Variants in EML4 observed in about 807,000 individuals in gnomAD.
The protein encoded by EML4 is EMAP like 4, also known as echinoderm microtubule-associated protein-like 4.
In EML4, 72 loss-of-function variants were observed where a neutral mutation model predicts 129.0. The ratio of observed to expected loss-of-function variants is 0.56; its 90% CI spans 0.46 to 0.68. EML4 has a LOEUF of 0.68. Ranked by LOEUF, EML4 falls within the 30% of genes least tolerant of loss-of-function variation. EML4 has a pLI of 0.00. For synonymous variants in EML4, 532 were observed against 405.0 expected (o/e 1.31, Z -3.77); for missense variants, 1,363 against 1,190.6 (o/e 1.14, Z -2.13).
At chr2:42,178,941 T>G (rs1053161019) in intron 1 of EML4, among the ~76,000 whole-genome samples, 4 of 152,216 alleles carry the variant, frequency 2.6e-5, no homozygotes, top group South Asian at 2.1e-4. Flanking sequence ...ACAGGAATCA[T>G]CAATAGGTGC....
intron 1 of EML4, among the ~76,000 whole-genome samples, chr2:42,203,609 A>G (rs959960613): frequency 7.3e-5 from 11 of 150,526 alleles, no homozygotes; most frequent in African/African-American, 2.2e-4. Context: ...AGCCGTTTAT[A>G]TACTTATTTT....
chr2:42,288,361 C>A, intron 11 of EML4, 39 bp downstream of exon 11: 1 of 1,027,678 alleles, frequency 9.7e-7, no homozygotes, highest in Non-Finnish European at 1.5e-6. Flanking sequence ...TTTTAGAGTA[C>A]GTTACTTGTT....
At chr2:42,314,300 A>G (rs1419241221) in intron 17 of EML4, among the ~76,000 whole-genome samples, 2 of 152,180 alleles carry the variant, frequency 1.3e-5, no homozygotes, top group African/African-American at 4.8e-5. Context: ...CGGAGGTTGC[A>G]GTGAGTCAAG....
chr2:42,226,087 C>T lies in EML4; in HGVS notation c.26-19418C>T, dbSNP rs759561006. Among the ~76,000 whole-genome samples, 7 of 151,950 alleles carry T rather than the reference C, an allele frequency of 4.6e-5. No homozygotes were observed. In the South Asian group the frequency reaches 1.2e-3, roughly 27 times the overall value. ...ATGGTAAAATAATGTATTGGATCTT[C>T]CATTGTTCATGCCGTAGACACATTT... is the stretch of plus-strand genomic sequence containing the variant. On this transcript the variant is annotated intron_variant, in intron 1 of 22. Transcript: ENST00000318522.
intron 1 of EML4, among the ~76,000 whole-genome samples, chr2:42,209,629 T>C (rs985764875): frequency 1.3e-5 from 2 of 152,188 alleles, no homozygotes; most frequent in African/African-American, 2.4e-5. Context: ...AAAATGACTT[T>C]TAAAAAACTG....
At position 42,316,026 on chromosome 2, in the gene EML4, C is replaced by G; in HGVS notation, c.2032C>G (p.Leu678Val). 1.9e-6 allele frequency: 3 copies of G among 1,613,746 alleles called. No individual in the cohort carries two copies. Among genetic ancestry groups the G allele is most frequent in the Non-Finnish European group, 2.5e-6 (3 of 1,179,692 alleles). ...VSIHTDGNEQ[L>V]SVMRYSIDGT... ...TATCCACACAGACGGGAATGAACAG[C>G]TCTCTGTGATGCGCTACTCAATAGG... Residue 678 changes from leucine to valine, a missense_variant, in exon 18 of 23, where the codon CTC becomes GTC. Coordinates refer to ENST00000318522, the MANE Select transcript of EML4 (RefSeq NM_019063.5).
intron 1 of EML4, among the ~76,000 whole-genome samples, chr2:42,211,713 C>T (rs562592848): frequency 2.0e-5 from 3 of 152,026 alleles, no homozygotes; most frequent in East Asian, 3.9e-4. Context: ...GTTCCTGTTA[C>T]TGCATCGTGT....
In EML4 at chr2:42,169,519, C is replaced by T. The variant is rs908344129; in HGVS notation, c.-93C>T. The T allele has an allele frequency of 9.7e-6, 14 of 1,436,240 alleles. No individual in the cohort carries two copies. The highest frequency in any genetic ancestry group is 2.6e-5 in the East Asian group (1 of 38,080). The allele number at this position is 1,436,240 out of a possible 1,614,324, so 89.0% of individuals were successfully genotyped here. ...TAGCCGAGCCGGGCGACCTAGAGAA[C>T]GAGCGGGTCAGGCTCAGCGTCGGCC... On this transcript the variant is annotated 5_prime_UTR_variant, in exon 1 of 23. It adds an upstream start codon to the 5' untranslated region. Transcript: ENST00000318522.
chr2:42,329,916 C>G lies in EML4; in HGVS notation c.2655C>G (p.Pro885=), dbSNP rs34697961. ...TVADTTLTKA[P]VSSTESVIQS... is the part of the protein sequence containing the mutation. ...CGGATACTACTCTAACCAAAGCCCC[C>G]GTCTCTTCCACTGAAAGTGTCATCC... The change falls in exon 23 of 23, where the codon CCC becomes CCG. Residue 885 remains proline (P), a synonymous_variant. Transcript: ENST00000318522. 5 of 1,613,988 alleles carry G rather than the reference C, an allele frequency of 3.1e-6. No homozygotes were observed. In the South Asian group the frequency reaches 5.5e-5, roughly 18 times the overall value.
At chr2:42,307,173 C>T (rs775836173) in intron 17 of EML4, among the ~76,000 whole-genome samples, 20 of 152,210 alleles carry the variant, frequency 1.3e-4, no homozygotes, top group Admixed American at 7.2e-4. Flanking sequence ...TAGACATACA[C>T]GGCCCCAATT....
Position 42,274,607 on chromosome 2 carries a change from T to A in EML4, c.668-6243T>A, listed in dbSNP as rs568392478. On this transcript the variant is annotated intron_variant, in intron 6 of 22. Coordinates refer to ENST00000318522, the MANE Select transcript of EML4 (RefSeq NM_019063.5). ...AATTTGTGAACGATTAATACTTTTT[T>A]ATAAGGATCTTAAATTACTTTAAAA... 9.4e-4 allele frequency among the ~76,000 whole-genome samples: 143 copies of A among 152,370 alleles called. 1 individual carries two copies. Among genetic ancestry groups the A allele is most frequent in the African/African-American group, 3.2e-3 (135 of 41,590 alleles).
In EML4 at chr2:42,261,149, CA is replaced by C; in HGVS notation, c.369del (p.Gly124AspfsTer49). The C allele has an allele frequency of 6.2e-7, 1 of 1,612,406 alleles. No individual in the cohort carries two copies. The highest frequency in any genetic ancestry group is 1.1e-5 in the South Asian group (1 of 90,996). ...SGTEKKKEKP[Q>X]GQREKKEESH... ...TACAGAAAAAAAGAAAGAAAAACCA[CA>C]AGGACAGAGAGAAAAAAAAGAGGAA... On this transcript the variant is annotated frameshift_variant, in exon 4 of 23. Transcript: ENST00000318522. LOFTEE classifies it high-confidence loss of function.
intron 11 of EML4, among the ~76,000 whole-genome samples, chr2:42,290,565 CAAAAAAAA>C (rs542271059): frequency 2.6e-5 from 3 of 115,626 alleles, no homozygotes; most frequent in East Asian, 2.4e-4. Context: ...TTGTCTCTAC[CAAAAAAAA>C]AAAAAAAAAA....
At chr2:42,281,036 C>CTA in intron 7 of EML4, 63 bp downstream of exon 7, 3 of 1,274,198 alleles carry the variant, frequency 2.4e-6, no homozygotes, top group Non-Finnish European at 3.2e-6. Context: ...AATCAGTTAA[C>CTA]GTATTCTCTG....
chr2:42,222,772 T>C (rs748947377), intron 1 of EML4, among the ~76,000 whole-genome samples: 4 of 150,718 alleles, frequency 2.7e-5, no homozygotes, highest in African/African-American at 4.9e-5. Flanking sequence ...TATATAGAAA[T>C]ATAACGGTTC....
At chr2:42,225,098 T>G (rs1673869732) in intron 1 of EML4, among the ~76,000 whole-genome samples, 3 of 152,164 alleles carry the variant, frequency 2.0e-5, no homozygotes, top group African/African-American at 4.8e-5. Flanking sequence ...CATTTCTTTT[T>G]AAGGCTGAAT....
In EML4 at chr2:42,331,892, T is replaced by C. The variant is rs1391955936; in HGVS notation, c.*1685T>C. The C allele has an allele frequency of 5.1e-6, 1 of 194,462 alleles. No homozygotes were observed. The highest frequency in any genetic ancestry group is 1.0e-5 in the Non-Finnish European group (1 of 98,066). 12.0% of individuals were successfully genotyped at this position (194,462 alleles called of 1,614,324 possible). On this transcript the variant is annotated 3_prime_UTR_variant, in exon 23 of 23. Transcript: ENST00000318522. ...TGAAAATACTCAGTGTAGATCTCTA[T>C]GTGTATAGGTATCTGTATATCTTTC...
At chr2:42,196,474 A>G (rs1323780320) in intron 1 of EML4, among the ~76,000 whole-genome samples, 1 of 152,212 alleles carries the variant, frequency 6.6e-6, no homozygotes, top group Non-Finnish European at 1.5e-5. Flanking sequence ...ATTTGAGACC[A>G]TAACATGGAT....
At chr2:42,227,930 T>C (rs934432417) in intron 1 of EML4, among the ~76,000 whole-genome samples, 4 of 152,048 alleles carry the variant, frequency 2.6e-5, no homozygotes, top group African/African-American at 9.7e-5. Flanking sequence ...AGTCAAAAAT[T>C]ATACATAGGC....
Sources: gnomAD v4.1 joint callset for allele counts (sites outside exome capture counted in the v4.1 genomes callset) on GRCh38, gnomAD v4.1.1 for gene constraint, MANE v1.5 for transcripts, NCBI Gene and HGNC (gene_info 2026-07-23, HGNC 2026-07-21) for gene names.